SART1: variants seen among roughly 807,000 people sequenced by gnomAD.
The protein encoded by SART1 is spliceosome associated factor 1, recruiter of U4/U6.U5 tri-snRNP.
Under a neutral mutation model 105.0 loss-of-function variants are expected in SART1, and 28 were observed. That is an observed-to-expected ratio of 0.27 (90% CI 0.20 to 0.37). The LOEUF (loss-of-function observed/expected upper bound fraction) is 0.37, where lower values mean the gene tolerates loss of function less well. SART1 is among the 10% of genes least tolerant of loss of function. SART1 has a pLI of 1.00. For missense variants in SART1, 894 were observed against 1,106.5 expected, an observed-to-expected ratio of 0.81 and a Z score of 2.72; for synonymous variants, 472 against 462.9, an observed-to-expected ratio of 1.02 and a Z score of -0.25.
rs1464177906 is a variant in SART1, at chr11:65,964,136, G to C, written c.371+5G>C. ...ACTCAGCATCGAGGAGACTAAGTGA[G>C]TACTGTCTCCCTTGTTTCTACTTTG... On this transcript the variant is annotated splice_donor_5th_base_variant and intron_variant, in intron 2 of 19. Coordinates refer to ENST00000312397, the MANE Select transcript of SART1 (RefSeq NM_005146.5). The C allele has an allele frequency of 6.2e-7, 1 of 1,611,716 alleles. No homozygotes were observed. The highest frequency in any genetic ancestry group is 8.5e-7 in the Non-Finnish European group (1 of 1,178,852).
In SART1 at chr11:65,976,835, T is replaced by C. The variant is rs1855491208; in HGVS notation, c.1857+69T>C. On this transcript the variant is annotated intron_variant, in intron 14 of 19. Coordinates refer to ENST00000312397, the MANE Select transcript of SART1 (RefSeq NM_005146.5). The surrounding 1 kb of genome is among the most constrained non-coding windows in gnomAD (Gnocchi z 5.1). ...AGCTGGAGATGAGCACCGGGCTCGG[T>C]GTCCAGAGCCTCAGCCTCCTCATCC... 7.4e-7 allele frequency: 1 copy of C among 1,353,992 alleles called. No individual in the cohort carries two copies. Among genetic ancestry groups the C allele is most frequent in the African/African-American group, 1.4e-5 (1 of 69,410 alleles). The allele number at this position is 1,353,992 out of a possible 1,614,324, so 83.9% of individuals were successfully genotyped here. A position where few individuals can be genotyped will look rare whatever the true frequency, so the allele number is the denominator to read the frequency against.
At position 65,979,179 on chromosome 11, in the gene SART1, G is replaced by C; in HGVS notation, c.*149G>C. The C allele has an allele frequency of 2.0e-6, 2 of 993,922 alleles. No individual in the cohort carries two copies. The highest frequency in any genetic ancestry group is 5.2e-5 in the East Asian group (2 of 38,302). 61.6% of individuals were successfully genotyped at this position (993,922 alleles called of 1,614,324 possible). A position where few individuals can be genotyped will look rare whatever the true frequency, so the allele number is the denominator to read the frequency against. The stretch of plus-strand genomic sequence containing the variant: ...TCTGGCTCCTGCTAGGTGAGACCTG[G>C]CCATCAAATGACACAAACAACTAAA... On this transcript the variant is annotated 3_prime_UTR_variant, in exon 20 of 20. Transcript: ENST00000312397.
chr11:65,977,031 C>T lies in SART1; in HGVS notation c.1875C>T (p.Thr625=), dbSNP rs761664983. The T allele has an allele frequency of 8.7e-6, 14 of 1,614,008 alleles. No homozygotes were observed. Among genetic ancestry groups the T allele is most frequent in the Middle Eastern group, 1.7e-4 (1 of 6,056 alleles). Residue 625 remains threonine, a synonymous_variant, in exon 15 of 20, where the codon ACC becomes ACT. Coordinates refer to ENST00000312397, the MANE Select transcript of SART1 (RefSeq NM_005146.5). ...KQQQDFSASS[T]TILDEEPIVN... is the part of the protein sequence containing the mutation. ...TCCCGTAGTTCTCTGCTTCCTCCAC[C>T]ACCATCCTGGACGAGGAACCGATCG...
chr11:65,978,997 T>A lies in SART1; in HGVS notation c.2385-15T>A. 1.9e-6 allele frequency: 3 copies of A among 1,614,088 alleles called. No homozygotes were observed. On this transcript the variant is annotated splice_polypyrimidine_tract_variant and intron_variant, in intron 19 of 19. Transcript: ENST00000312397. This position sits in a 1 kb window ranked among gnomAD's most constrained non-coding sequence, Gnocchi z 6.8. Reference sequence around the variant, plus strand: ...GCCCGCCTCTGCAGCCTCACGCCCCTGTTCTTCTCTGCAGGAACACCATCA... The same window carrying A: ...GCCCGCCTCTGCAGCCTCACGCCCCAGTTCTTCTCTGCAGGAACACCATCA...
In SART1 at chr11:65,967,661, C is replaced by G; in HGVS notation, c.1430-18C>G. ...TGGAGGAGATGGTCTGAGCAGGCATCCCCTGTGTTTCCCCCAGAGGAAGGT... is the reference window on the plus strand; with the variant it reads ...TGGAGGAGATGGTCTGAGCAGGCATGCCCTGTGTTTCCCCCAGAGGAAGGT... On this transcript the variant is annotated intron_variant, in intron 11 of 19. Transcript: ENST00000312397. The G allele has an allele frequency of 1.3e-6, 2 of 1,583,060 alleles. No homozygotes were observed. The highest frequency in any genetic ancestry group is 1.7e-6 in the Non-Finnish European group (2 of 1,164,676).
intron 12 of SART1, among the ~76,000 whole-genome samples, chr11:65,968,229 T>G (rs1855303643): frequency 6.6e-6 from 1 of 152,206 alleles, no homozygotes; most frequent in Non-Finnish European, 1.5e-5. Flanking sequence ...ATTACAGGTG[T>G]GTGCCACCGT....
chr11:65,965,333 C>T lies in SART1; in HGVS notation c.555-9C>T, dbSNP rs778988530. ...GGGCTCCTTGAGCATCACTTTTTCC[C>T]CTCTTCAGGAAGATAAAGACCCTAG... On this transcript the variant is annotated splice_polypyrimidine_tract_variant and intron_variant, in intron 4 of 19. Coordinates refer to ENST00000312397, the MANE Select transcript of SART1 (RefSeq NM_005146.5). 3 of 1,592,346 alleles carry T rather than the reference C, an allele frequency of 1.9e-6. No homozygotes were observed. In the Middle Eastern group the frequency reaches 5.0e-4, roughly 263 times the overall value.
intron 3 of SART1, 78 bp from the exon 4 acceptor site, chr11:65,965,014 G>C: frequency 6.7e-7 from 1 of 1,497,036 alleles, no homozygotes; most frequent in Non-Finnish European, 8.9e-7. Context: ...TGAGCTGGAA[G>C]GGGGCAGGGT....
intron 2 of SART1, 79 bp downstream of exon 2, chr11:65,964,210 A>ACT (rs2134902505): frequency 8.3e-7 from 1 of 1,200,918 alleles, no homozygotes; most frequent in East Asian, 2.3e-5. Flanking sequence ...AGGCTTTCTC[A>ACT]CATGAAAGTG....
Position 65,976,406 on chromosome 11 carries a change from T to G in SART1, c.1584T>G (p.Ile528Met). The G allele has an allele frequency of 6.5e-7, 1 of 1,547,262 alleles. No homozygotes were observed. Among genetic ancestry groups the G allele is most frequent in the South Asian group, 1.3e-5 (1 of 78,766 alleles). Residue 528 changes from isoleucine to methionine, a missense_variant, in exon 13 of 20, where the codon ATT (isoleucine) becomes ATG (methionine). Around this residue, in one of 2 missense-constraint regions of SART1, gnomAD observed 712 missense variants for 778.2 expected, o/e 0.91. Transcript: ENST00000312397. This position sits in a 1 kb window ranked among gnomAD's most constrained non-coding sequence, Gnocchi z 5.1. ...GCTCCCTCCCCCAGGTGGTGGAGAT[T>G]GTGAAGAAGCTGGAGTCTCGCCAGC... ...LRDSGEKVVE[I>M]VKKLESRQRG... is the part of the protein sequence containing the mutation.
Position 65,967,663 on chromosome 11 carries a change from CCT to C in SART1, c.1430-15_1430-14del, listed in dbSNP as rs779256214. 33 of 1,580,744 alleles carry C rather than the reference CCT, an allele frequency of 2.1e-5. No individual in the cohort carries two copies. Among genetic ancestry groups the C allele is most frequent in the Non-Finnish European group, 2.7e-5 (31 of 1,163,326 alleles). Reference sequence around the variant, plus strand: ...GAGGAGATGGTCTGAGCAGGCATCCCCTGTGTTTCCCCCAGAGGAAGGTGGAG... The same window carrying C: ...GAGGAGATGGTCTGAGCAGGCATCCCGTGTTTCCCCCAGAGGAAGGTGGAG... On this transcript the variant is annotated splice_polypyrimidine_tract_variant and intron_variant, in intron 11 of 19. Transcript: ENST00000312397.
Position 65,965,166 on chromosome 11 carries a change from C to A in SART1, c.502C>A (p.Arg168=). ...PMALRQREEL[R]EKLAAAKEKR... ...GGCCTTGCGACAGCGAGAGGAGCTG[C>A]GGGAGAAGCTGGCGGCTGCCAAGGA... Residue 168 remains arginine (R), a synonymous_variant, in exon 4 of 20, where the codon CGG becomes AGG. Transcript: ENST00000312397. 1 of 1,606,376 alleles carries A rather than the reference C, an allele frequency of 6.2e-7. No individual in the cohort carries two copies. The highest frequency in any genetic ancestry group is 8.5e-7 in the Non-Finnish European group (1 of 1,178,286).
chr11:65,961,966 G>A lies in SART1; in HGVS notation c.186G>A (p.Glu62=), dbSNP rs1855151295. 6 of 1,523,968 alleles carry A rather than the reference G, an allele frequency of 3.9e-6. No homozygotes were observed. The highest frequency in any genetic ancestry group is 5.3e-6 in the Non-Finnish European group (6 of 1,138,270). 94.4% of individuals were successfully genotyped at this position (1,523,968 alleles called of 1,614,324 possible). A position where few individuals can be genotyped will look rare whatever the true frequency, so the allele number is the denominator to read the frequency against. Reference sequence around the variant, plus strand: ...AGCGGAGCCGGGAACGTGGGGGCGAGCGCGGGAGCGGGCGGCGCGGGGCCG... The same window carrying A: ...AGCGGAGCCGGGAACGTGGGGGCGAACGCGGGAGCGGGCGGCGCGGGGCCG... ...RRKRSRERGG[E]RGSGRRGAEA... Residue 62 remains glutamate, a synonymous_variant, in exon 1 of 20, where the codon GAG becomes GAA. Transcript: ENST00000312397.
rs528935524 is a variant in SART1 at position 65,978,517 on chromosome 11, C to G, written c.2173-83C>G. The stretch of plus-strand genomic sequence containing the variant: ...GGCATTGGGGTCAATCAACACCCGC[C>G]CTGTTATTATACACCTTGTGGGCAC... On this transcript the variant is annotated intron_variant, in intron 17 of 19. Coordinates refer to ENST00000312397, the MANE Select transcript of SART1 (RefSeq NM_005146.5). The surrounding 1 kb of genome is among the most constrained non-coding windows in gnomAD (Gnocchi z 6.8). 1 of 1,356,116 alleles carries G rather than the reference C, an allele frequency of 7.4e-7. No individual in the cohort carries two copies. Among genetic ancestry groups the G allele is most frequent in the East Asian group, 2.5e-5 (1 of 39,878 alleles). The allele number at this position is 1,356,116 out of a possible 1,614,324, so 84.0% of individuals were successfully genotyped here.
chr11:65,969,755 G>A (rs142979429), intron 12 of SART1, among the ~76,000 whole-genome samples: 4 of 151,730 alleles, frequency 2.6e-5, no homozygotes, highest in East Asian at 3.9e-4. Context: ...ACGGAGTCTC[G>A]CTCTGTCACC....
In SART1 at chr11:65,976,885, G is replaced by C; in HGVS notation, c.1857+119G>C. 2 of 1,126,276 alleles carry C rather than the reference G, an allele frequency of 1.8e-6. No individual in the cohort carries two copies. The highest frequency in any genetic ancestry group is 4.0e-5 in the Admixed American group (2 of 49,666). 69.8% of individuals were successfully genotyped at this position (1,126,276 alleles called of 1,614,324 possible). A position where few individuals can be genotyped will look rare whatever the true frequency, so the allele number is the denominator to read the frequency against. ...CAGAGTGGGCTCTGCAGACCTCCCAGGGCGATCTGAGGAGTAAATGAGGAA... is the reference window on the plus strand; with the variant it reads ...CAGAGTGGGCTCTGCAGACCTCCCACGGCGATCTGAGGAGTAAATGAGGAA... On this transcript the variant is annotated intron_variant, in intron 14 of 19. Transcript: ENST00000312397. This position sits in a 1 kb window ranked among gnomAD's most constrained non-coding sequence, Gnocchi z 5.1.
At position 65,979,449 on chromosome 11, in the gene SART1, GCCA is replaced by G. The variant is rs1390925438; in HGVS notation, c.*422_*424del. The G allele has an allele frequency of 4.1e-6, 1 of 246,302 alleles. No individual in the cohort carries two copies. The highest frequency in any genetic ancestry group is 8.0e-6 in the Non-Finnish European group (1 of 125,764). 15.3% of individuals were successfully genotyped at this position (246,302 alleles called of 1,614,324 possible). On this transcript the variant is annotated 3_prime_UTR_variant, in exon 20 of 20. Coordinates refer to ENST00000312397, the MANE Select transcript of SART1 (RefSeq NM_005146.5). ...ATTGGGCTTTGGGTAGGGCACAGGT[GCCA>G]CCTTCTGTCCTGGCTGTCCTGTGCC...
At chr11:65,966,656 G>A in intron 9 of SART1, 100 bp downstream of exon 9, 3 of 1,335,976 alleles carry the variant, frequency 2.2e-6, no homozygotes, top group Non-Finnish European at 3.0e-6. Flanking sequence ...GAGTATTTGT[G>A]TTCACAAAGC....
Position 65,978,173 on chromosome 11 carries a change from G to A in SART1, c.2172+274G>A. ...CCTCTGCCCTCCTGTCCTCACCTGC[G>A]TGAGCCCTTCACTGGCTTTCCTGGC... On this transcript the variant is annotated intron_variant, in intron 17 of 19. Coordinates refer to ENST00000312397, the MANE Select transcript of SART1 (RefSeq NM_005146.5). This position sits in a 1 kb window ranked among gnomAD's most constrained non-coding sequence, Gnocchi z 6.8. 1.3e-5 allele frequency: 7 copies of A among 533,144 alleles called. No individual in the cohort carries two copies. Among genetic ancestry groups the A allele is most frequent in the Non-Finnish European group, 2.4e-5 (7 of 296,418 alleles). 33.0% of individuals were successfully genotyped at this position (533,144 alleles called of 1,614,324 possible). A position where few individuals can be genotyped will look rare whatever the true frequency, so the allele number is the denominator to read the frequency against.
Sources: allele counts gnomAD v4.1 joint callset (sites outside exome capture counted in the v4.1 genomes callset), GRCh38; gene constraint gnomAD v4.1.1; regional missense constraint gnomAD v4.1.1; non-coding constraint Gnocchi (gnomAD v3.1); transcripts MANE v1.5; gene names NCBI Gene and HGNC (gene_info 2026-07-23, HGNC 2026-07-21).